Variants in DNAJB6 observed in about 807,000 individuals in gnomAD.
DNAJB6 encodes the protein dnaJ homolog subfamily B member 6.
In DNAJB6, 16 loss-of-function variants were observed where a neutral mutation model predicts 42.7. The ratio of observed to expected loss-of-function variants is 0.37; its 90% CI spans 0.25 to 0.57. The LOEUF is 0.57. Among genes scored for constraint, DNAJB6 ranks in the 20% least tolerant of loss-of-function variants. DNAJB6 has a pLI of 0.74. For missense variants in DNAJB6, 347 were observed against 416.8 expected (o/e 0.83, Z 1.46); for synonymous variants, 170 against 163.5 (o/e 1.04, Z -0.30).
chr7:157,370,578 G>T (rs1352456023), intron 5 of DNAJB6, among the ~76,000 whole-genome samples: 8 of 152,194 alleles, frequency 5.3e-5, no homozygotes, highest in Non-Finnish European at 1.5e-5. Context: ...AGAAGGTATA[G>T]AGATCTAATT....
At chr7:157,338,436 C>T (rs1266351351) in intron 1 of DNAJB6, among the ~76,000 whole-genome samples, 3 of 152,028 alleles carry the variant, frequency 2.0e-5, no homozygotes, top group Admixed American at 2.0e-4. Context: ...CAGGTTCAAG[C>T]GAGTCTCCTG....
chr7:157,362,891 C>T (rs1411573330), intron 2 of DNAJB6, among the ~76,000 whole-genome samples: 1 of 152,174 alleles, frequency 6.6e-6, no homozygotes, highest in Non-Finnish European at 1.5e-5. Flanking sequence ...CTCACTGTAG[C>T]CTTGAACTCC....
chr7:157,342,158 C>T (rs1012118378), intron 1 of DNAJB6, among the ~76,000 whole-genome samples: 9 of 150,252 alleles, frequency 6.0e-5, no homozygotes, highest in Admixed American at 4.0e-4. Flanking sequence ...GAGCCTGGCC[C>T]TATTTTATTA....
intron 2 of DNAJB6, among the ~76,000 whole-genome samples, chr7:157,361,665 C>A (rs1331667362): frequency 6.6e-6 from 1 of 152,170 alleles, no homozygotes; most frequent in Admixed American, 6.5e-5. Flanking sequence ...GAGGGGTATG[C>A]TGCTTCTCTT....
In DNAJB6 at chr7:157,395,228, T is replaced by TG. The variant is rs144945712; in HGVS notation, c.691+9626dup. On this transcript the variant is annotated intron_variant, in intron 8 of 9. Coordinates refer to ENST00000262177, the MANE Select transcript of DNAJB6 (RefSeq NM_058246.4). ...AATGGGCAGCATTTTGGGAGGGGGC[T>TG]GGGGGGGGGTTGGTGCTGGGCACAT... 6.2e-3 allele frequency among the ~76,000 whole-genome samples: 927 copies of TG among 149,788 alleles called. 11 individuals are homozygous for TG. The highest frequency in any genetic ancestry group is 0.054 in the East Asian group (278 of 5,116).
At chr7:157,358,736 G>A in intron 2 of DNAJB6, 99 bp downstream of exon 2, 1 of 933,452 alleles carries the variant, frequency 1.1e-6, no homozygotes, top group Admixed American at 1.9e-5. Flanking sequence ...GGCTTTTAAT[G>A]TAGTATACCA....
At chr7:157,349,239 C>T (rs746858471) in intron 1 of DNAJB6, among the ~76,000 whole-genome samples, 4 of 152,072 alleles carry the variant, frequency 2.6e-5, no homozygotes, top group Admixed American at 2.0e-4. Context: ...TTTATTATTT[C>T]CAAAGCTAGC....
intron 8 of DNAJB6, among the ~76,000 whole-genome samples, chr7:157,396,738 T>G (rs2117147276): frequency 6.6e-6 from 1 of 152,264 alleles, no homozygotes; most frequent in Middle Eastern, 3.4e-3. Flanking sequence ...CAGGGTATCG[T>G]ATATTGTGAG....
At chr7:157,343,527 G>C (rs1243304623) in intron 1 of DNAJB6, among the ~76,000 whole-genome samples, 1 of 151,858 alleles carries the variant, frequency 6.6e-6, no homozygotes, top group Admixed American at 6.6e-5. Flanking sequence ...GGAGTGCTGT[G>C]GTGTGATCTC....
intron 2 of DNAJB6, among the ~76,000 whole-genome samples, chr7:157,360,231 G>A (rs1799509375): frequency 6.6e-6 from 1 of 152,150 alleles, no homozygotes; most frequent in African/African-American, 2.4e-5. Context: ...CTTACATGGC[G>A]ACAGCAAGAG....
Position 157,395,094 on chromosome 7 carries a change from C to T in DNAJB6, c.691+9483C>T, listed in dbSNP as rs141733025. On this transcript the variant is annotated intron_variant, in intron 8 of 9. Coordinates refer to ENST00000262177, the MANE Select transcript of DNAJB6 (RefSeq NM_058246.4). ...GGGCAACAGAGCAAGACCCTGTGCC[C>T]GCCGCGCCCCCCCACCTCCCAAAAA... Among the ~76,000 whole-genome samples, 871 of 135,622 alleles carry T rather than the reference C, an allele frequency of 6.4e-3. 8 individuals are homozygous for T. The highest frequency in any genetic ancestry group is 7.7e-3 in the Non-Finnish European group (489 of 63,470). The allele number at this position is 135,622 out of a possible 152,430, so 89.0% of individuals were successfully genotyped here. A position where few individuals can be genotyped will look rare whatever the true frequency, so the allele number is the denominator to read the frequency against.
At position 157,366,554 on chromosome 7, in the gene DNAJB6, A is replaced by T. The variant is rs779138971; in HGVS notation, c.228A>T (p.Gly76=). 1.4e-5 allele frequency: 22 copies of T among 1,613,408 alleles called. No homozygotes were observed. Among genetic ancestry groups the T allele is most frequent in the South Asian group, 6.6e-5 (6 of 91,044 alleles). ...DKYGKEGLNG[G]GGGGSHFDSP... ...ATGGCAAAGAAGGATTAAATGGTGG[A>T]GGAGGAGGTAAGTACGTGAGTTTTT... The change falls in exon 4 of 10, where the codon GGA becomes GGT. Residue 76 remains glycine (G), a synonymous_variant. Coordinates refer to ENST00000262177, the MANE Select transcript of DNAJB6 (RefSeq NM_058246.4).
chr7:157,376,286 T>C (rs1800467459), intron 5 of DNAJB6, among the ~76,000 whole-genome samples: 1 of 152,242 alleles, frequency 6.6e-6, no homozygotes, highest in Admixed American at 6.5e-5. Context: ...TTTTTGGTCA[T>C]AAATTTGTGA....
chr7:157,338,836 G>C (rs773154074), intron 1 of DNAJB6, among the ~76,000 whole-genome samples: 1 of 152,208 alleles, frequency 6.6e-6, no homozygotes, highest in Non-Finnish European at 1.5e-5. Context: ...TTGACAGGAA[G>C]TGGGAGAACA....
At chr7:157,348,990 C>A (rs117023995) in intron 1 of DNAJB6, among the ~76,000 whole-genome samples, 2,858 of 152,276 alleles carry the variant, frequency 0.019, 34 homozygotes, top group Non-Finnish European at 0.03. Context: ...TTTTCCTTTC[C>A]TCATGGTCTC....
intron 1 of DNAJB6, among the ~76,000 whole-genome samples, 196 bp downstream of exon 1, chr7:157,337,340 T>TGGGGCC (rs1029191556): frequency 1.2e-4 from 17 of 138,358 alleles, no homozygotes; most frequent in African/African-American, 2.7e-4. Context: ...GGGTCAGGTC[T>TGGGGCC]GGGGCCGGGG....
intron 5 of DNAJB6, chr7:157,381,976 A>G (rs1800802517): frequency 7.7e-6 from 2 of 259,646 alleles, no homozygotes; most frequent in Admixed American, 5.4e-5. Context: ...GGTCCTCCAT[A>G]AAGAATGTGT....
chr7:157,369,607 C>T (rs1342831639), intron 5 of DNAJB6: 2 of 310,658 alleles, frequency 6.4e-6, no homozygotes, highest in Non-Finnish European at 1.3e-5. Flanking sequence ...ATTAAATAGG[C>T]CCCTTCTTAA....
At chr7:157,392,318 A>C (rs557044125) in intron 8 of DNAJB6, among the ~76,000 whole-genome samples, 1 of 147,468 alleles carries the variant, frequency 6.8e-6, no homozygotes, top group South Asian at 2.1e-4. Flanking sequence ...AGCCCTTTAC[A>C]TGCTAGTTGA....
Sources: gnomAD v4.1 joint callset for allele counts (sites outside exome capture counted in the v4.1 genomes callset) on GRCh38, gnomAD v4.1.1 for gene constraint, MANE v1.5 for transcripts, NCBI Gene and HGNC (gene_info 2026-07-23, HGNC 2026-07-21) for gene names.